MYO5B: variants seen among roughly 807,000 people sequenced by gnomAD.
MYO5B encodes the protein unconventional myosin-Vb.
MYO5B carries 143 observed loss-of-function variants against 229.3 expected under a neutral mutation model. The observed-to-expected ratio is 0.62, with a 90% CI of 0.54 to 0.72. The LOEUF is 0.72. Among genes scored for constraint, MYO5B ranks in the 30% least tolerant of loss-of-function variants. The pLI is 0.00. For synonymous variants in MYO5B, 918 were observed against 885.2 expected (o/e 1.04, Z -0.66); for missense variants, 2,321 against 2,331.0 (o/e 1.00, Z 0.09).
chr18:50,068,366 T>C (rs2144442485), intron 1 of MYO5B, among the ~76,000 whole-genome samples: 1 of 152,290 alleles, frequency 6.6e-6, no homozygotes, highest in East Asian at 1.9e-4. Context: ...GGTGTCAAAA[T>C]AGGGACACAT....
chr18:49,951,839 C>G (rs1044317372), intron 14 of MYO5B, among the ~76,000 whole-genome samples: 1 of 152,162 alleles, frequency 6.6e-6, no homozygotes, highest in Non-Finnish European at 1.5e-5. Flanking sequence ...CAGAACACTT[C>G]CATCTACTCT....
chr18:49,927,732 AC>A (rs2025145745), intron 17 of MYO5B, among the ~76,000 whole-genome samples: 1 of 152,258 alleles, frequency 6.6e-6, no homozygotes, highest in South Asian at 2.1e-4. Flanking sequence ...CTTACTCTCT[AC>A]AAAAATCAAC....
intron 22 of MYO5B, among the ~76,000 whole-genome samples, chr18:49,893,977 G>T (rs140257899): frequency 2.1e-4 from 32 of 152,326 alleles, no homozygotes; most frequent in Non-Finnish European, 4.4e-5. Context: ...AAGGGGCCTT[G>T]GAGATGATCT....
At chr18:50,115,429 C>A (rs1244111725) in intron 1 of MYO5B, among the ~76,000 whole-genome samples, 1 of 152,120 alleles carries the variant, frequency 6.6e-6, no homozygotes, top group African/African-American at 2.4e-5. Flanking sequence ...GCAGAACTTG[C>A]ATTCCTCACT....
chr18:50,181,385 G>A (rs2033071355), intron 1 of MYO5B, among the ~76,000 whole-genome samples: 1 of 152,180 alleles, frequency 6.6e-6, no homozygotes, highest in Admixed American at 6.5e-5. Flanking sequence ...TCCAGATGAT[G>A]ATGGCTAGTA....
chr18:49,846,214 C>T (rs949738067), intron 33 of MYO5B, among the ~76,000 whole-genome samples: 20 of 152,196 alleles, frequency 1.3e-4, no homozygotes, highest in Non-Finnish European at 2.6e-4. Flanking sequence ...CCCAGACAGA[C>T]TGCAGAAGCT....
intron 17 of MYO5B, 52 bp downstream of exon 17, chr18:49,929,460 T>C: frequency 2.7e-6 from 4 of 1,495,062 alleles, no homozygotes; most frequent in Non-Finnish European, 2.7e-6. Context: ...GGAACCAAAC[T>C]CTGGCTGCTC....
At chr18:50,100,498 C>T (rs1203220749) in intron 1 of MYO5B, among the ~76,000 whole-genome samples, 1 of 152,194 alleles carries the variant, frequency 6.6e-6, no homozygotes, top group Non-Finnish European at 1.5e-5. Context: ...AAGTGAGAAA[C>T]GGCCTGCATG....
chr18:49,937,267 T>C lies in MYO5B; in HGVS notation c.1883A>G (p.His628Arg). 6.2e-7 allele frequency: 1 copy of C among 1,614,154 alleles called. No homozygotes were observed. The highest frequency in any genetic ancestry group is 8.5e-7 in the Non-Finnish European group (1 of 1,179,994). Residue 628 changes from histidine to arginine, a missense_variant, in exon 15 of 40, where the codon CAC (histidine) becomes CGC (arginine). His to Arg is a conservative substitution (Grantham distance 29, BLOSUM62 0). Coordinates refer to ENST00000285039, the MANE Select transcript of MYO5B (RefSeq NM_001080467.3). ...GACCTGGTGGCCAACGGTTTTCTTG[T>C]GCTCCTTGTTGGAGACTTTCATGGG... ...RPPMKVSNKE[H>R]KKTVGHQFRT...
At position 49,835,393 on chromosome 18, in the gene MYO5B, AG is replaced by A; in HGVS notation, c.5344del (p.Leu1782Ter). 6.2e-7 allele frequency: 1 copy of A among 1,612,650 alleles called. No homozygotes were observed. The highest frequency in any genetic ancestry group is 8.5e-7 in the Non-Finnish European group (1 of 1,179,596). On this transcript the variant is annotated frameshift_variant, in exon 39 of 40. Transcript: ENST00000285039. LOFTEE classifies it high-confidence loss of function. The part of the protein sequence containing the change: ...IVKILNLYTP[L>X]NEFEERVTVA... ...TGTTACCCGTTCTTCAAATTCATTC[AG>A]GGGAGTATAAAGGTTTAAAATTTTG...
At chr18:50,160,316 G>C (rs1216335723) in intron 1 of MYO5B, among the ~76,000 whole-genome samples, 1 of 152,206 alleles carries the variant, frequency 6.6e-6, no homozygotes, top group African/African-American at 2.4e-5. Context: ...AAGGTCAGAG[G>C]CCACAGCTGG....
At chr18:50,115,565 C>G (rs1395653374) in intron 1 of MYO5B, among the ~76,000 whole-genome samples, 1 of 151,786 alleles carries the variant, frequency 6.6e-6, no homozygotes, top group East Asian at 1.9e-4. Flanking sequence ...CACACACACA[C>G]ACACACACAC....
chr18:50,122,043 C>T (rs1260607879), intron 1 of MYO5B, among the ~76,000 whole-genome samples: 1 of 152,352 alleles, frequency 6.6e-6, no homozygotes, highest in Admixed American at 6.5e-5. Flanking sequence ...ACCCCCAAAG[C>T]TGCTGCTTTG....
At chr18:50,103,613 G>T (rs754039597) in intron 1 of MYO5B, among the ~76,000 whole-genome samples, 1 of 152,142 alleles carries the variant, frequency 6.6e-6, no homozygotes, top group African/African-American at 2.4e-5. Context: ...GCCAGACACG[G>T]TGGTGTGCAC....
chr18:49,926,517 A>G lies in MYO5B; in HGVS notation c.2090+2995T>C, dbSNP rs139147965. On this transcript the variant is annotated intron_variant, in intron 17 of 39. Transcript: ENST00000285039. The stretch of plus-strand genomic sequence containing the variant: ...TGCTACACTGTTCAGCTCAGCTCCA[A>G]TTAATGGCAGATGTTTGGTCTACAT... Among the ~76,000 whole-genome samples the G allele has an allele frequency of 3.2e-3, 494 of 152,322 alleles. 4 individuals carry two copies. The highest frequency in any genetic ancestry group is 0.01 in the African/African-American group (424 of 41,566).
intron 1 of MYO5B, among the ~76,000 whole-genome samples, chr18:50,104,265 G>GATATAT (rs3075606): frequency 0.045 from 6,061 of 134,412 alleles, 157 homozygotes; most frequent in East Asian, 0.13. Context: ...ATCTATACAT[G>GATATAT]ATATATATAT....
chr18:49,908,974 C>G (rs1359825108), intron 18 of MYO5B, among the ~76,000 whole-genome samples: 1 of 152,254 alleles, frequency 6.6e-6, no homozygotes, highest in Non-Finnish European at 1.5e-5. Flanking sequence ...CACTGACAGC[C>G]TAACGAAGCA....
chr18:49,953,894 A>ATG (rs71169463), intron 13 of MYO5B, among the ~76,000 whole-genome samples: 15,379 of 108,094 alleles, frequency 0.14, 1,193 homozygotes, highest in South Asian at 0.29. Context: ...ATATACATAT[A>ATG]TGTGTGTGTG....
intron 4 of MYO5B, among the ~76,000 whole-genome samples, chr18:50,032,385 G>A (rs1329766613): frequency 6.6e-6 from 1 of 152,074 alleles, no homozygotes. Context: ...TCAACCTCCA[G>A]CCCTAGGCAG....
Sources: allele counts gnomAD v4.1 joint callset (sites outside exome capture counted in the v4.1 genomes callset), GRCh38; gene constraint gnomAD v4.1.1; transcripts MANE v1.5; gene names NCBI Gene and HGNC (gene_info 2026-07-23, HGNC 2026-07-21).